TACR1: variants seen among roughly 807,000 people sequenced by gnomAD.
The protein encoded by TACR1 is substance-P receptor.
In TACR1, 25 loss-of-function variants were observed where a neutral mutation model predicts 35.8. The ratio of observed to expected loss-of-function variants is 0.70; its 90% CI spans 0.51 to 0.98. TACR1 has a LOEUF of 0.98. TACR1 is among the 50% of genes least tolerant of loss of function. TACR1 has a pLI of 0.00. For synonymous variants in TACR1, 195 were observed against 206.7 expected, an observed-to-expected ratio of 0.94 and a Z score of 0.48; for missense variants, 478 against 522.9, an observed-to-expected ratio of 0.91 and a Z score of 0.84.
chr2:75,078,139 G>C (rs908805930), intron 2 of TACR1, among the ~76,000 whole-genome samples: 1 of 152,192 alleles, frequency 6.6e-6, no homozygotes, highest in Non-Finnish European at 1.5e-5. Context: ...TGGAGGTCTA[G>C]AACAGTGGCA....
chr2:75,116,171 C>T (rs930408600), intron 2 of TACR1, among the ~76,000 whole-genome samples: 5 of 152,038 alleles, frequency 3.3e-5, no homozygotes, highest in Admixed American at 6.5e-5. Flanking sequence ...GTGGAGTGAC[C>T]TCAGCTCCTC....
At chr2:75,065,560 A>C (rs999442110) in intron 2 of TACR1, among the ~76,000 whole-genome samples, 1 of 152,132 alleles carries the variant, frequency 6.6e-6, no homozygotes, top group African/African-American at 2.4e-5. Context: ...CTGGGTGGGT[A>C]GGCAGGGACA....
intron 1 of TACR1, among the ~76,000 whole-genome samples, chr2:75,136,260 G>C (rs971819935): frequency 6.6e-6 from 1 of 152,112 alleles, no homozygotes; most frequent in Non-Finnish European, 1.5e-5. Context: ...TGGGAGACAG[G>C]AGTAAGAAGT....
intron 1 of TACR1, among the ~76,000 whole-genome samples, chr2:75,162,613 T>A (rs1277648863): frequency 6.6e-6 from 1 of 152,254 alleles, no homozygotes; most frequent in African/African-American, 2.4e-5. Context: ...CAGACATACT[T>A]AATTATATTT....
At chr2:75,053,193 C>T (rs1171893447) in intron 3 of TACR1, among the ~76,000 whole-genome samples, 1 of 152,178 alleles carries the variant, frequency 6.6e-6, no homozygotes, top group Non-Finnish European at 1.5e-5. Context: ...CCCAAGCCCC[C>T]TCAAACACTG....
At chr2:75,068,337 C>A (rs1321346452) in intron 2 of TACR1, among the ~76,000 whole-genome samples, 8 of 152,072 alleles carry the variant, frequency 5.3e-5, no homozygotes, top group Non-Finnish European at 2.9e-5. Flanking sequence ...GGTAAGCTGC[C>A]TTAGTTAAAG....
At chr2:75,087,998 G>A (rs188861350) in intron 2 of TACR1, among the ~76,000 whole-genome samples, 1 of 152,272 alleles carries the variant, frequency 6.6e-6, no homozygotes, top group Admixed American at 6.5e-5. Flanking sequence ...CTCCTTTGTG[G>A]TGGAATGAAC....
intron 1 of TACR1, among the ~76,000 whole-genome samples, chr2:75,158,219 C>G (rs895849346): frequency 2.0e-5 from 3 of 152,156 alleles, no homozygotes; most frequent in Non-Finnish European, 4.4e-5. Flanking sequence ...GGACGAAGAT[C>G]GAGCATTTAT....
At chr2:75,096,708 G>A (rs568502032) in intron 2 of TACR1, among the ~76,000 whole-genome samples, 1 of 152,188 alleles carries the variant, frequency 6.6e-6, no homozygotes, top group Non-Finnish European at 1.5e-5. Context: ...TGTTGTTTAT[G>A]GTATACATTC....
At chr2:75,077,062 C>T (rs1672994816) in intron 2 of TACR1, among the ~76,000 whole-genome samples, 1 of 152,166 alleles carries the variant, frequency 6.6e-6, no homozygotes, top group African/African-American at 2.4e-5. Context: ...CTTCTGCCTT[C>T]TGGGTTCAAG....
Position 75,199,016 on chromosome 2 carries a change from A to G in TACR1, c.-82T>C. On this transcript the variant is annotated 5_prime_UTR_variant, in exon 1 of 5. Coordinates refer to ENST00000305249, the MANE Select transcript of TACR1 (RefSeq NM_001058.4). ...GTCCTGTGGCTGGCGCCTGGGGCTC[A>G]GGGTCCTTCTAAAGCCAGACAGGAG... The G allele has an allele frequency of 6.5e-7, 1 of 1,527,550 alleles. No homozygotes were observed. Among genetic ancestry groups the G allele is most frequent in the Non-Finnish European group, 8.8e-7 (1 of 1,133,854 alleles). The allele number at this position is 1,527,550 out of a possible 1,614,324, so 94.6% of individuals were successfully genotyped here.
chr2:75,124,199 G>A (rs1269315498), intron 1 of TACR1, among the ~76,000 whole-genome samples: 1 of 152,168 alleles, frequency 6.6e-6, no homozygotes, highest in Non-Finnish European at 1.5e-5. Flanking sequence ...CTGAGATGTA[G>A]CCTTCCTCTT....
intron 1 of TACR1, among the ~76,000 whole-genome samples, chr2:75,186,389 A>AAAG (rs1553385006): frequency 2.6e-5 from 4 of 151,166 alleles, no homozygotes; most frequent in African/African-American, 4.9e-5. Flanking sequence ...AAAAAAAAAA[A>AAAG]AAAGAAAGAA....
chr2:75,159,050 C>A (rs1674937482), intron 1 of TACR1, among the ~76,000 whole-genome samples: 1 of 150,190 alleles, frequency 6.7e-6, no homozygotes, highest in Non-Finnish European at 1.5e-5. Flanking sequence ...TTATTGGTAC[C>A]TTTTTTTTTT....
chr2:75,196,694 G>A (rs1676003133), intron 1 of TACR1, among the ~76,000 whole-genome samples: 1 of 152,204 alleles, frequency 6.6e-6, no homozygotes, highest in Non-Finnish European at 1.5e-5. Context: ...GGAAAGATCA[G>A]GGCTGCAGAA....
chr2:75,141,103 A>C (rs1674393234), intron 1 of TACR1, among the ~76,000 whole-genome samples: 1 of 152,188 alleles, frequency 6.6e-6, no homozygotes, highest in Non-Finnish European at 1.5e-5. Flanking sequence ...CTCATTGGGC[A>C]ACACATATAA....
At chr2:75,157,220 T>A (rs774533861) in intron 1 of TACR1, among the ~76,000 whole-genome samples, 2 of 152,076 alleles carry the variant, frequency 1.3e-5, no homozygotes, top group Non-Finnish European at 2.9e-5. Flanking sequence ...TAACTGAGAC[T>A]TGGAGGAAAG....
At chr2:75,128,058 G>A (rs1001826021) in intron 1 of TACR1, among the ~76,000 whole-genome samples, 1 of 152,160 alleles carries the variant, frequency 6.6e-6, no homozygotes, top group Non-Finnish European at 1.5e-5. Context: ...GGCAGGGGTT[G>A]TGTTCACATA....
chr2:75,151,875 C>T (rs902727234), intron 1 of TACR1, among the ~76,000 whole-genome samples: 7 of 152,200 alleles, frequency 4.6e-5, no homozygotes, highest in African/African-American at 1.7e-4. Flanking sequence ...CCATGGGAAC[C>T]TACCTCTTGC....
Sources: allele counts gnomAD v4.1 joint callset (sites outside exome capture counted in the v4.1 genomes callset), GRCh38; gene constraint gnomAD v4.1.1; transcripts MANE v1.5; gene names NCBI Gene and HGNC (gene_info 2026-07-23, HGNC 2026-07-21).